The following KCNAB1 variants were observed in gnomAD, a reference collection of about 807,000 sequenced individuals.
KCNAB1 encodes voltage-gated potassium channel subunit beta-1.
In KCNAB1, 35 loss-of-function variants were observed where a neutral mutation model predicts 64.6. The observed-to-expected ratio is 0.54, with a 90% CI of 0.41 to 0.72. The LOEUF is 0.72. Ranked by LOEUF, KCNAB1 falls within the 30% of genes least tolerant of loss-of-function variation. The probability of loss-of-function intolerance (pLI) is 0.00; values close to 1 mark genes in which losing one functional copy is unlikely to be tolerated. For synonymous variants in KCNAB1, 177 were observed against 183.8 expected, an observed-to-expected ratio of 0.96 and a Z score of 0.30; for missense variants, 401 against 512.9, an observed-to-expected ratio of 0.78 and a Z score of 2.11.
rs1460219080 is a variant in KCNAB1 at position 156,375,278 on chromosome 3, A to T, written c.276-46338A>T. Reference sequence around the variant, plus strand: ...TCCTCTCTTCCTTGCAAAAGGCCACAGTCCTTCTTTGTAGAGTTTATGAAG... The same window carrying T: ...TCCTCTCTTCCTTGCAAAAGGCCACTGTCCTTCTTTGTAGAGTTTATGAAG... On this transcript the variant is annotated intron_variant, in intron 1 of 13. Transcript: ENST00000490337. Among the ~76,000 whole-genome samples, 2 of 135,408 alleles carry T rather than the reference A, an allele frequency of 1.5e-5. 1 individual carries two copies. The highest frequency in any genetic ancestry group is 3.1e-5 in the Non-Finnish European group (2 of 64,890). The allele number at this position is 135,408 out of a possible 152,430, so 88.8% of individuals were successfully genotyped here.
At chr3:156,404,616 G>A (rs1393195433) in intron 1 of KCNAB1, among the ~76,000 whole-genome samples, 5 of 152,216 alleles carry the variant, frequency 3.3e-5, no homozygotes, top group Non-Finnish European at 5.9e-5. Context: ...AGCATTAAAT[G>A]TATGCACATT....
chr3:156,467,789 G>T (rs984827051), intron 7 of KCNAB1, among the ~76,000 whole-genome samples: 23 of 152,156 alleles, frequency 1.5e-4, no homozygotes, highest in Middle Eastern at 3.4e-3. Context: ...ATTCCAGAGT[G>T]GCATTGCTAA....
intron 1 of KCNAB1, among the ~76,000 whole-genome samples, chr3:156,316,107 G>T (rs567007570): frequency 6.6e-6 from 1 of 152,264 alleles, no homozygotes; most frequent in East Asian, 1.9e-4. Context: ...ATCCTTTTAA[G>T]GTTGTTTCAC....
chr3:156,356,439 C>T (rs374801112), intron 1 of KCNAB1, among the ~76,000 whole-genome samples: 17 of 151,812 alleles, frequency 1.1e-4, no homozygotes, highest in East Asian at 5.8e-4. Flanking sequence ...TTGACCTCTA[C>T]GGGGGCAGGG....
At chr3:156,441,872 C>A (rs181147392) in intron 2 of KCNAB1, among the ~76,000 whole-genome samples, 2 of 152,230 alleles carry the variant, frequency 1.3e-5, no homozygotes, top group Admixed American at 1.3e-4. Context: ...GTAAACACTG[C>A]CTCCTTTTCA....
chr3:156,239,301 T>C (rs1717033618), intron 1 of KCNAB1, among the ~76,000 whole-genome samples: 1 of 152,240 alleles, frequency 6.6e-6, no homozygotes, highest in East Asian at 1.9e-4. Context: ...TTGCCTTTCC[T>C]TTCATGTTAA....
intron 9 of KCNAB1, 26 bp downstream of exon 9, chr3:156,514,475 G>A (rs1367255024): frequency 1.3e-6 from 2 of 1,518,962 alleles, no homozygotes; most frequent in Admixed American, 3.4e-5. Context: ...TTTTTAAATG[G>A]CTATTGAGTA....
At chr3:156,401,214 A>ACTGAAGTAGAATG (rs1713866252) in intron 1 of KCNAB1, among the ~76,000 whole-genome samples, 1 of 152,228 alleles carries the variant, frequency 6.6e-6, no homozygotes, top group South Asian at 2.1e-4. Context: ...AGTAGAATGT[A>ACTGAAGTAGAATG]AACAGAAACA....
At chr3:156,414,120 G>A (rs1404130537) in intron 1 of KCNAB1, among the ~76,000 whole-genome samples, 2 of 152,186 alleles carry the variant, frequency 1.3e-5, no homozygotes, top group East Asian at 3.9e-4. Context: ...TAAAGAGAAA[G>A]TGAGATATTC....
At chr3:156,228,724 G>A (rs1176229496) in intron 1 of KCNAB1, among the ~76,000 whole-genome samples, 1 of 152,212 alleles carries the variant, frequency 6.6e-6, no homozygotes, top group Admixed American at 6.5e-5. Flanking sequence ...CTAGGTTGGA[G>A]TCAATGGGGG....
intron 1 of KCNAB1, among the ~76,000 whole-genome samples, chr3:156,315,305 G>GTAAGCA (rs1722203314): frequency 2.8e-5 from 4 of 141,244 alleles, no homozygotes; most frequent in African/African-American, 1.3e-4. Flanking sequence ...TGGGAGTACT[G>GTAAGCA]GGGTATAGGC....
intron 1 of KCNAB1, among the ~76,000 whole-genome samples, chr3:156,213,562 A>G (rs753671611): frequency 3.9e-5 from 6 of 152,160 alleles, no homozygotes; most frequent in Non-Finnish European, 1.5e-5. Flanking sequence ...AGATTCTGCC[A>G]AGGCCACGAC....
intron 2 of KCNAB1, among the ~76,000 whole-genome samples, chr3:156,424,092 G>A (rs1048588975): frequency 6.6e-6 from 1 of 151,936 alleles, no homozygotes; most frequent in African/African-American, 2.4e-5. Flanking sequence ...AGGAGAGAAG[G>A]TTAAGAAACT....
intron 1 of KCNAB1, among the ~76,000 whole-genome samples, chr3:156,295,000 A>G (rs1037895899): frequency 6.6e-6 from 1 of 152,238 alleles, no homozygotes; most frequent in African/African-American, 2.4e-5. Flanking sequence ...ACTGGTACAC[A>G]AAGGTGCAGA....
intron 1 of KCNAB1, among the ~76,000 whole-genome samples, chr3:156,132,758 G>A (rs1453228475): frequency 6.6e-6 from 1 of 152,202 alleles, no homozygotes; most frequent in Non-Finnish European, 1.5e-5. Context: ...CATTACACAT[G>A]TTTTTCTATA....
At chr3:156,201,823 G>T (rs920774928) in intron 1 of KCNAB1, among the ~76,000 whole-genome samples, 2 of 152,172 alleles carry the variant, frequency 1.3e-5, no homozygotes, top group Non-Finnish European at 2.9e-5. Context: ...GTGTGGGGAG[G>T]GCTCAGGCAG....
chr3:156,480,303 TA>T (rs1258318431), intron 8 of KCNAB1, among the ~76,000 whole-genome samples: 1 of 151,760 alleles, frequency 6.6e-6, no homozygotes, highest in East Asian at 1.9e-4. Flanking sequence ...CACATATATA[TA>T]ATTTAAATTT....
intron 1 of KCNAB1, among the ~76,000 whole-genome samples, chr3:156,408,084 C>T (rs946024679): frequency 2.0e-5 from 3 of 151,750 alleles, no homozygotes; most frequent in Admixed American, 6.6e-5. Context: ...TGGCGGGACA[C>T]GGAAGAAGCA....
chr3:156,297,609 TC>T (rs1201351664), intron 1 of KCNAB1, among the ~76,000 whole-genome samples: 1 of 152,222 alleles, frequency 6.6e-6, no homozygotes, highest in African/African-American at 2.4e-5. Context: ...CAGATGCCTT[TC>T]CCATGCCATT....
Sources: allele counts gnomAD v4.1 joint callset (sites outside exome capture counted in the v4.1 genomes callset), GRCh38; gene constraint gnomAD v4.1.1; transcripts MANE v1.5; gene names NCBI Gene and HGNC (gene_info 2026-07-23, HGNC 2026-07-21).